The following ATP1B2 variants were observed in gnomAD, a reference collection of about 807,000 sequenced individuals.
ATP1B2 encodes sodium/potassium-transporting ATPase subunit beta-2.
A neutral mutation model predicts 37.3 loss-of-function variants in ATP1B2; 12 were observed. The ratio of observed to expected loss-of-function variants is 0.32; its 90% CI spans 0.21 to 0.52. The LOEUF is 0.52. Ranked by LOEUF, ATP1B2 falls within the 20% of genes least tolerant of loss-of-function variation. ATP1B2 has a pLI of 0.96. For synonymous variants in ATP1B2, 139 were observed against 140.5 expected, an observed-to-expected ratio of 0.99 and a Z score of 0.07; for missense variants, 324 against 391.6, an observed-to-expected ratio of 0.83 and a Z score of 1.46.
upstream of ATP1B2, among the ~76,000 whole-genome samples, chr17:7,647,879 G>T (rs548026837): frequency 9.7e-4 from 148 of 151,820 alleles, no homozygotes; most frequent in Middle Eastern, 3.4e-3. Flanking sequence ...CCATGAGAAA[G>T]CCAGGTGTGG....
chr17:7,649,786 C>T (rs1421212043), upstream of ATP1B2, among the ~76,000 whole-genome samples: 3 of 151,932 alleles, frequency 2.0e-5, no homozygotes, highest in Non-Finnish European at 2.9e-5. Flanking sequence ...TCTCGATCTC[C>T]TGACCTCGTG....
At position 7,651,587 on chromosome 17, in the gene ATP1B2, C is replaced by G; in HGVS notation, c.69C>G (p.Asn23Lys). ...AGGAGTGGAAGGAGTTCGTGTGGAA[C>G]CCGAGGACGCACCAGTTTATGGGCC... ...VVEEWKEFVW[N>K]PRTHQFMGRT... The change falls in exon 1 of 7, where the codon AAC (asparagine) becomes AAG (lysine). Residue 23 changes from asparagine (N) to lysine (K), a missense_variant. Physicochemically the swap from Asn to Lys is moderately conservative, Grantham distance 94. Coordinates refer to ENST00000250111, the MANE Select transcript of ATP1B2 (RefSeq NM_001678.5). The G allele has an allele frequency of 6.2e-7, 1 of 1,607,542 alleles. No individual in the cohort carries two copies. The highest frequency in any genetic ancestry group is 1.1e-5 in the South Asian group (1 of 89,898).
Position 7,654,149 on chromosome 17 carries a change from T to A in ATP1B2, c.444T>A (p.Arg148=), listed in dbSNP as rs754089848. 1 of 1,614,168 alleles carries A rather than the reference T, an allele frequency of 6.2e-7. No individual in the cohort carries two copies. Among genetic ancestry groups the A allele is most frequent in the South Asian group, 1.1e-5 (1 of 91,088 alleles). Residue 148 remains arginine (R), a synonymous_variant, in exon 4 of 7, where the codon CGT becomes CGA. Coordinates refer to ENST00000250111, the MANE Select transcript of ATP1B2 (RefSeq NM_001678.5). This position sits in a 1 kb window ranked among gnomAD's most constrained non-coding sequence, Gnocchi z 4.9. ...PDNGVLNYPK[R]ACQFNRTQLG... ...ATGGAGTCCTCAACTACCCCAAACG[T>A]GCCTGCCAATTCAACCGGACCCAGC...
At position 7,654,707 on chromosome 17, in the gene ATP1B2, G is replaced by A. The variant is rs146011465; in HGVS notation, c.609+23G>A. On this transcript the variant is annotated intron_variant, in intron 5 of 6. Coordinates refer to ENST00000250111, the MANE Select transcript of ATP1B2 (RefSeq NM_001678.5). The surrounding 1 kb of genome is among the most constrained non-coding windows in gnomAD (Gnocchi z 4.9). ...AAGGTGAGTTCGTTGGGCCTTGTCT[G>A]CCTGCTCACCTGAGTGGCTCACCTG... 1.5e-5 allele frequency: 24 copies of A among 1,613,578 alleles called. No individual in the cohort carries two copies. In the East Asian group the frequency reaches 5.3e-4, roughly 36 times the overall value.
chr17:7,649,204 C>T (rs924227058), upstream of ATP1B2, among the ~76,000 whole-genome samples: 11 of 152,124 alleles, frequency 7.2e-5, no homozygotes, highest in African/African-American at 2.2e-4. Flanking sequence ...AGGCTCCCAC[C>T]ACCGCACCCG....
Position 7,654,874 on chromosome 17 carries a change from C to T in ATP1B2, c.609+190C>T. 1 of 605,968 alleles carries T rather than the reference C, an allele frequency of 1.7e-6. No individual in the cohort carries two copies. Among genetic ancestry groups the T allele is most frequent in the Non-Finnish European group, 2.9e-6 (1 of 345,116 alleles). The allele number at this position is 605,968 out of a possible 1,614,324, so 37.5% of individuals were successfully genotyped here. ...CTTGAACTCCGAGGGCCCCGCACTC[C>T]TCTTGCTTCTCTCTGGGATGCAGAG... On this transcript the variant is annotated intron_variant, in intron 5 of 6. Transcript: ENST00000250111. The surrounding 1 kb of genome is among the most constrained non-coding windows in gnomAD (Gnocchi z 4.9).
At chr17:7,648,414 C>CA (rs773787315), upstream of ATP1B2, among the ~76,000 whole-genome samples, 26 of 150,766 alleles carry the variant, frequency 1.7e-4, no homozygotes, top group African/African-American at 3.7e-4. Flanking sequence ...CCCATCTCTA[C>CA]AAAAAAATAC....
At position 7,655,303 on chromosome 17, in the gene ATP1B2, G is replaced by A. The variant is rs1313118170; in HGVS notation, c.610-224G>A. The stretch of plus-strand genomic sequence containing the variant: ...GGAGTAGGAGGCTTTCGTGCCATTA[G>A]CAGCCTTCAGGAGTTCCTAGAATGA... On this transcript the variant is annotated intron_variant, in intron 5 of 6. Transcript: ENST00000250111. This position sits in a 1 kb window ranked among gnomAD's most constrained non-coding sequence, Gnocchi z 4.4. The A allele has an allele frequency of 1.7e-6, 1 of 585,614 alleles. No individual in the cohort carries two copies. The highest frequency in any genetic ancestry group is 3.0e-6 in the Non-Finnish European group (1 of 329,714). The allele number at this position is 585,614 out of a possible 1,614,324, so 36.3% of individuals were successfully genotyped here.
rs1175322210 is a variant in ATP1B2, at chr17:7,651,159, T to C, written c.-360T>C. The C allele has an allele frequency of 8.6e-6, 2 of 232,572 alleles. No individual in the cohort carries two copies. The highest frequency in any genetic ancestry group is 4.6e-5 in the South Asian group (1 of 21,920). 14.4% of individuals were successfully genotyped at this position (232,572 alleles called of 1,614,324 possible). On this transcript the variant is annotated 5_prime_UTR_variant, in exon 1 of 7. Coordinates refer to ENST00000250111, the MANE Select transcript of ATP1B2 (RefSeq NM_001678.5). ...ACCCCGCTTTTTTTCTGCGTTCTGC[T>C]CGGTTTTTGTAGCCGTCTGTTTTTG...
Position 7,655,911 on chromosome 17 carries a change from C to G in ATP1B2, c.*16C>G. ...CAAAACCTGAGGCCCCTTCCTCCCA[C>G]CCCATCTCTCTCCTGTGGATGCTCC... On this transcript the variant is annotated 3_prime_UTR_variant, in exon 7 of 7. Transcript: ENST00000250111. The surrounding 1 kb of genome is among the most constrained non-coding windows in gnomAD (Gnocchi z 4.4). The G allele has an allele frequency of 1.2e-6, 2 of 1,613,332 alleles. No individual in the cohort carries two copies. Among genetic ancestry groups the G allele is most frequent in the Non-Finnish European group, 1.7e-6 (2 of 1,179,618 alleles).
chr17:7,649,613 A>T (rs113626315), upstream of ATP1B2, among the ~76,000 whole-genome samples: 7 of 125,238 alleles, frequency 5.6e-5, no homozygotes, highest in Admixed American at 2.4e-4. Flanking sequence ...AGTGCAGTGG[A>T]GCGATCTCGG....
upstream of ATP1B2, among the ~76,000 whole-genome samples, chr17:7,648,597 A>T (rs1376885418): frequency 8.1e-6 from 1 of 123,328 alleles, no homozygotes; most frequent in East Asian, 2.3e-4. Context: ...AAAAAAAAAA[A>T]AGTTTATATT....
At chr17:7,649,208 G>A (rs935476623), upstream of ATP1B2, among the ~76,000 whole-genome samples, 4 of 136,986 alleles carry the variant, frequency 2.9e-5, no homozygotes, top group Admixed American at 7.3e-5. Context: ...TCCCACCACC[G>A]CACCCGGCTA....
At position 7,656,041 on chromosome 17, in the gene ATP1B2, C is replaced by T; in HGVS notation, c.*146C>T. On this transcript the variant is annotated 3_prime_UTR_variant, in exon 7 of 7. Transcript: ENST00000250111. ...AGCCTCACATCCTTTTCCTTGACTTCTCAACCCAGCCTGAAGTCCATTGCG... is the reference window on the plus strand; with the variant it reads ...AGCCTCACATCCTTTTCCTTGACTTTTCAACCCAGCCTGAAGTCCATTGCG... The T allele has an allele frequency of 1.6e-5, 18 of 1,124,250 alleles. No homozygotes were observed. Among genetic ancestry groups the T allele is most frequent in the Non-Finnish European group, 2.2e-5 (18 of 804,772 alleles). 69.6% of individuals were successfully genotyped at this position (1,124,250 alleles called of 1,614,324 possible).
At position 7,655,499 on chromosome 17, in the gene ATP1B2, C is replaced by T. The variant is rs370530814; in HGVS notation, c.610-28C>T. ...GGGTGCCTGCCATCCCTAACTGGCT[C>T]ACCCCCTATCTTCCTGCACCCCCAC... is the stretch of plus-strand genomic sequence containing the variant. On this transcript the variant is annotated intron_variant, in intron 5 of 6. Transcript: ENST00000250111. This position sits in a 1 kb window ranked among gnomAD's most constrained non-coding sequence, Gnocchi z 4.4. The T allele has an allele frequency of 1.1e-5, 18 of 1,611,332 alleles. No homozygotes were observed. Among genetic ancestry groups the T allele is most frequent in the African/African-American group, 9.4e-5 (7 of 74,856 alleles).
rs772711589 is a variant in ATP1B2, at chr17:7,654,206, C to T, written c.501C>T (p.Thr167=). 4 of 1,614,140 alleles carry T rather than the reference C, an allele frequency of 2.5e-6. No individual in the cohort carries two copies. Among genetic ancestry groups the T allele is most frequent in the Non-Finnish European group, 3.4e-6 (4 of 1,180,008 alleles). The change falls in exon 4 of 7, where the codon ACC becomes ACT. Residue 167 remains threonine, a synonymous_variant. Coordinates refer to ENST00000250111, the MANE Select transcript of ATP1B2 (RefSeq NM_001678.5). This position sits in a 1 kb window ranked among gnomAD's most constrained non-coding sequence, Gnocchi z 4.9. The part of the protein sequence containing the change: ...LGNCSGIGDS[T]HYGYSTGQPC... ...ACTGCTCCGGCATTGGGGACTCCAC[C>T]CACTATGGTTACAGCACTGGGCAGC...
At chr17:7,646,981 G>T (rs530135349), upstream of ATP1B2, among the ~76,000 whole-genome samples, 16 of 151,810 alleles carry the variant, frequency 1.1e-4, no homozygotes, top group South Asian at 2.1e-4. Flanking sequence ...CATTTAGCCC[G>T]GTGAGACTAG....
Position 7,656,212 on chromosome 17 carries a change from C to T in ATP1B2, c.*317C>T, listed in dbSNP as rs916597691. ...CTATCCACTCTCCTGCCTGCATATC[C>T]CCTGAGAGTTATAGGAAGTGCCCAC... On this transcript the variant is annotated 3_prime_UTR_variant, in exon 7 of 7. Transcript: ENST00000250111. 5 of 371,146 alleles carry T rather than the reference C, an allele frequency of 1.3e-5. No individual in the cohort carries two copies. The highest frequency in any genetic ancestry group is 2.5e-5 in the Non-Finnish European group (5 of 198,304). 23.0% of individuals were successfully genotyped at this position (371,146 alleles called of 1,614,324 possible). A position where few individuals can be genotyped will look rare whatever the true frequency, so the allele number is the denominator to read the frequency against.
rs753252562 is a variant in ATP1B2, at chr17:7,654,819, G to A, written c.609+135G>A. ...GCCCCATCACCATAGAAACAAGGGGGTAAGAGTGGGCTTTTGGGCTCCACT... is the reference window on the plus strand; with the variant it reads ...GCCCCATCACCATAGAAACAAGGGGATAAGAGTGGGCTTTTGGGCTCCACT... On this transcript the variant is annotated intron_variant, in intron 5 of 6. Coordinates refer to ENST00000250111, the MANE Select transcript of ATP1B2 (RefSeq NM_001678.5). This position sits in a 1 kb window ranked among gnomAD's most constrained non-coding sequence, Gnocchi z 4.9. 26 of 1,016,526 alleles carry A rather than the reference G, an allele frequency of 2.6e-5. No homozygotes were observed. Among genetic ancestry groups the A allele is most frequent in the East Asian group, 5.1e-5 (2 of 39,204 alleles). 63.0% of individuals were successfully genotyped at this position (1,016,526 alleles called of 1,614,324 possible). A position where few individuals can be genotyped will look rare whatever the true frequency, so the allele number is the denominator to read the frequency against.
Sources: gnomAD v4.1 joint callset for allele counts (sites outside exome capture counted in the v4.1 genomes callset) on GRCh38, gnomAD v4.1.1 for gene constraint, Gnocchi (gnomAD v3.1) non-coding constraint, MANE v1.5 for transcripts, NCBI Gene and HGNC (gene_info 2026-07-23, HGNC 2026-07-21) for gene names.